KIF26B: variants seen among roughly 807,000 people sequenced by gnomAD.
KIF26B encodes the protein kinesin family member 26B, also known as kinesin-like protein KIF26B.
KIF26B carries 63 observed loss-of-function variants against 151.2 expected under a neutral mutation model. The observed-to-expected ratio is 0.42, with a 90% CI of 0.34 to 0.51. The LOEUF is 0.51. Among genes scored for constraint, KIF26B ranks in the 20% least tolerant of loss-of-function variants. KIF26B has a pLI of 0.07. For missense variants in KIF26B, 2,813 were observed against 2,913.6 expected (o/e 0.97, Z 0.79); for synonymous variants, 1,357 against 1,262.1 (o/e 1.08, Z -1.59).
chr1:245,524,599 G>A (rs1661195850), intron 4 of KIF26B, among the ~76,000 whole-genome samples: 1 of 152,098 alleles, frequency 6.6e-6, no homozygotes, highest in South Asian at 2.1e-4. Flanking sequence ...TAAGATGAAG[G>A]ATATCTTCTT....
In KIF26B at chr1:245,206,025, A is replaced by C. The variant is rs563082269; in HGVS notation, c.465+49342A>C. Among the ~76,000 whole-genome samples, 212 of 152,224 alleles carry C rather than the reference A, an allele frequency of 1.4e-3. 1 individual carries two copies. The highest frequency in any genetic ancestry group is 5.0e-3 in the African/African-American group (206 of 41,548). Reference sequence around the variant, plus strand: ...AGTGCAGGAATTATAGGAGTGAGTCACTGAGCCCAGCCCCCAAGGAGACTT... The same window carrying C: ...AGTGCAGGAATTATAGGAGTGAGTCCCTGAGCCCAGCCCCCAAGGAGACTT... On this transcript the variant is annotated intron_variant, in intron 2 of 14. Transcript: ENST00000407071.
intron 4 of KIF26B, among the ~76,000 whole-genome samples, chr1:245,510,574 GC>G (rs1660809397): frequency 6.3e-5 from 7 of 111,142 alleles, no homozygotes; most frequent in Non-Finnish European, 1.3e-4. Flanking sequence ...TTTTAGCAGA[GC>G]TTCTCTCTCT....
At chr1:245,238,133 G>T (rs940963384) in intron 2 of KIF26B, among the ~76,000 whole-genome samples, 5 of 152,052 alleles carry the variant, frequency 3.3e-5, no homozygotes, top group African/African-American at 1.2e-4. Flanking sequence ...AGGAGTTCAA[G>T]ACCAGACTGA....
At chr1:245,643,885 T>C (rs977488359) in intron 9 of KIF26B, among the ~76,000 whole-genome samples, 1 of 152,208 alleles carries the variant, frequency 6.6e-6, no homozygotes, top group African/African-American at 2.4e-5. Flanking sequence ...TTCCTTTATA[T>C]GTAACGTGCT....
intron 5 of KIF26B, among the ~76,000 whole-genome samples, chr1:245,565,232 C>G (rs1038034189): frequency 6.6e-6 from 1 of 151,860 alleles, no homozygotes; most frequent in African/African-American, 2.4e-5. Flanking sequence ...ATTGGTGGGC[C>G]CTCAGAGCAC....
chr1:245,344,123 T>A (rs394773), intron 2 of KIF26B, among the ~76,000 whole-genome samples: 1 of 151,258 alleles, frequency 6.6e-6, no homozygotes, highest in South Asian at 2.1e-4. Flanking sequence ...CTTCTCTTTT[T>A]TCCTTTCTTT....
rs116458556 is a variant in KIF26B at position 245,529,717 on chromosome 1, T to A, written c.1167-11050T>A. ...CTTTTATTTAAAAATTGGTTTATACTATCGAAAGGAAACATTGAGGAAACC... is the reference window on the plus strand; with the variant it reads ...CTTTTATTTAAAAATTGGTTTATACAATCGAAAGGAAACATTGAGGAAACC... On this transcript the variant is annotated intron_variant, in intron 4 of 14. Transcript: ENST00000407071. Among the ~76,000 whole-genome samples, 455 of 152,280 alleles carry A rather than the reference T, an allele frequency of 3.0e-3. 3 individuals carry two copies. The highest frequency in any genetic ancestry group is 0.01 in the African/African-American group (419 of 41,546).
intron 3 of KIF26B, among the ~76,000 whole-genome samples, chr1:245,376,936 C>T (rs1041963892): frequency 9.2e-5 from 14 of 152,032 alleles, no homozygotes; most frequent in African/African-American, 3.4e-4. Context: ...GATCTGCCTG[C>T]CTCAGCCTCC....
At chr1:245,573,250 G>GC (rs1247436356) in intron 5 of KIF26B, among the ~76,000 whole-genome samples, 1 of 152,162 alleles carries the variant, frequency 6.6e-6, no homozygotes, top group Non-Finnish European at 1.5e-5. Flanking sequence ...GAGGCCGGGA[G>GC]CAGCGGCTCA....
intron 5 of KIF26B, among the ~76,000 whole-genome samples, chr1:245,576,952 C>T (rs1419130786): frequency 1.3e-5 from 2 of 152,170 alleles, no homozygotes; most frequent in African/African-American, 4.8e-5. Flanking sequence ...GGCACAGTCC[C>T]TTATTACTGA....
At chr1:245,343,956 C>T (rs930456162) in intron 2 of KIF26B, among the ~76,000 whole-genome samples, 4 of 152,100 alleles carry the variant, frequency 2.6e-5, no homozygotes, top group Admixed American at 6.6e-5. Flanking sequence ...TTCGGGGGGG[C>T]CAAGGGCTTC....
At chr1:245,373,366 T>C (rs1673170506) in intron 3 of KIF26B, among the ~76,000 whole-genome samples, 1 of 152,194 alleles carries the variant, frequency 6.6e-6, no homozygotes, top group Non-Finnish European at 1.5e-5. Flanking sequence ...AGTGTCTTAA[T>C]CATACTTAAT....
chr1:245,279,441 G>T (rs1473674759), intron 2 of KIF26B, among the ~76,000 whole-genome samples: 1 of 151,530 alleles, frequency 6.6e-6, no homozygotes, highest in Non-Finnish European at 1.5e-5. Flanking sequence ...CTGAGTAGCT[G>T]GGACTACAGA....
rs796233719 is a variant in KIF26B at position 245,600,285 on chromosome 1, G to T, written c.1351-2292G>T. On this transcript the variant is annotated intron_variant, in intron 5 of 14. Coordinates refer to ENST00000407071, the MANE Select transcript of KIF26B (RefSeq NM_018012.4). ...TATCTCCTGACCTTGTGATCCGCCC[G>T]CCTCGGCCTCCCAAAGTGCTGGGAT... Among the ~76,000 whole-genome samples, 220 of 137,660 alleles carry T rather than the reference G, an allele frequency of 1.6e-3. 7 individuals are homozygous for T. The highest frequency in any genetic ancestry group is 5.3e-3 in the African/African-American group (202 of 37,832). The allele number at this position is 137,660 out of a possible 152,430, so 90.3% of individuals were successfully genotyped here.
At chr1:245,653,835 G>A (rs2044045738) in intron 10 of KIF26B, among the ~76,000 whole-genome samples, 1 of 152,134 alleles carries the variant, frequency 6.6e-6, no homozygotes, top group Non-Finnish European at 1.5e-5. Context: ...CTAGGCAGGA[G>A]GATCACTTGA....
chr1:245,661,780 T>C (rs2044143553), intron 10 of KIF26B, among the ~76,000 whole-genome samples: 1 of 79,420 alleles, frequency 1.3e-5, no homozygotes, highest in Admixed American at 1.3e-4. Context: ...CCCAATGATA[T>C]ATATACACAT....
chr1:245,198,901 C>G (rs1345023127), intron 2 of KIF26B, among the ~76,000 whole-genome samples: 1 of 12,632 alleles, frequency 7.9e-5, no homozygotes, highest in African/African-American at 3.7e-4. Context: ...GTCAGGAAGG[C>G]GTGGTGTGCA....
At chr1:245,261,463 TTCTTTCTC>T (rs1269666740) in intron 2 of KIF26B, among the ~76,000 whole-genome samples, 19 of 97,106 alleles carry the variant, frequency 2.0e-4, no homozygotes, top group African/African-American at 7.1e-4. Context: ...TGCTTTTTCT[TTCTTTCTC>T]TCTCTCTCTC....
chr1:245,627,196 C>T (rs1465429462), intron 9 of KIF26B, among the ~76,000 whole-genome samples: 1 of 152,060 alleles, frequency 6.6e-6, no homozygotes, highest in Non-Finnish European at 1.5e-5. Flanking sequence ...CTTTGTTTTC[C>T]AGTATTGCTT....
Sources: gnomAD v4.1 joint callset for allele counts (sites outside exome capture counted in the v4.1 genomes callset) on GRCh38, gnomAD v4.1.1 for gene constraint, MANE v1.5 for transcripts, NCBI Gene and HGNC (gene_info 2026-07-23, HGNC 2026-07-21) for gene names.